The following SPATA17 variants were observed in gnomAD, a reference collection of about 807,000 sequenced individuals.
SPATA17 encodes spermatogenesis-associated protein 17.
A neutral mutation model predicts 62.2 loss-of-function variants in SPATA17; 53 were observed. That is an observed-to-expected ratio of 0.85 (90% confidence interval 0.68 to 1.07). The LOEUF is 1.07. Ranked by LOEUF, SPATA17 falls within the 50% of genes least tolerant of loss-of-function variation. The pLI, the probability that SPATA17 is intolerant of heterozygous loss-of-function variation, is 0.00. For synonymous variants in SPATA17, 146 were observed against 146.8 expected, an observed-to-expected ratio of 0.99 and a Z score of 0.04; for missense variants, 466 against 425.5, an observed-to-expected ratio of 1.10 and a Z score of -0.84.
chr1:217,802,207 A>G (rs986309573), intron 9 of SPATA17, among the ~76,000 whole-genome samples: 1 of 152,100 alleles, frequency 6.6e-6, no homozygotes, highest in Non-Finnish European at 1.5e-5. Context: ...CAATCTATGT[A>G]TGTATGTTTA....
rs2102982913 is a variant in SPATA17 at position 217,792,986 on chromosome 1, G to A, written c.873-8732G>A. 2.0e-5 allele frequency among the ~76,000 whole-genome samples: 3 copies of A among 152,160 alleles called. No homozygotes were observed. The South Asian group carries it at 6.2e-4, about 32-fold the overall frequency. On this transcript the variant is annotated intron_variant, in intron 8 of 10. Coordinates refer to ENST00000366933, the MANE Select transcript of SPATA17 (RefSeq NM_138796.4). ...GATTTGGATATGAGTTTAATTTGGAGGCAGCTCTATTTGAGGTTCCTCTAG... is the reference window on the plus strand; with the variant it reads ...GATTTGGATATGAGTTTAATTTGGAAGCAGCTCTATTTGAGGTTCCTCTAG...
At chr1:217,779,425 CCTT>C (rs1333637787) in intron 7 of SPATA17, among the ~76,000 whole-genome samples, 6 of 148,086 alleles carry the variant, frequency 4.1e-5, no homozygotes, top group South Asian at 2.1e-4. Context: ...TTTTTTCTTT[CCTT>C]CTTCTTCTGT....
intron 8 of SPATA17, among the ~76,000 whole-genome samples, chr1:217,788,088 A>G (rs1673911482): frequency 6.6e-6 from 1 of 152,158 alleles, no homozygotes; most frequent in African/African-American, 2.4e-5. Context: ...CCATCAAGAC[A>G]GCAGAAATGG....
intron 9 of SPATA17, among the ~76,000 whole-genome samples, chr1:217,811,991 GAAGA>G (rs933469281): frequency 1.3e-5 from 2 of 152,120 alleles, no homozygotes; most frequent in African/African-American, 4.8e-5. Flanking sequence ...TCAAAATGTT[GAAGA>G]AAGAAAGGGC....
intron 3 of SPATA17, among the ~76,000 whole-genome samples, chr1:217,658,541 G>A (rs761810348): frequency 2.0e-5 from 3 of 152,060 alleles, no homozygotes; most frequent in Non-Finnish European, 2.9e-5. Context: ...GGCAGATCAC[G>A]AGGTCAGGAG....
At chr1:217,790,615 T>TA (rs1377220943) in intron 8 of SPATA17, among the ~76,000 whole-genome samples, 2 of 151,962 alleles carry the variant, frequency 1.3e-5, no homozygotes, top group African/African-American at 4.8e-5. Flanking sequence ...TAATTTTTTG[T>TA]ATTTTTAGTA....
At chr1:217,648,814 T>C in intron 1 of SPATA17, 68 bp from the exon 2 acceptor site, 1 of 880,944 alleles carries the variant, frequency 1.1e-6, no homozygotes, top group Non-Finnish European at 1.7e-6. Flanking sequence ...AAATCAAGTT[T>C]AACAGGTTGA....
At chr1:217,737,023 C>T (rs776000657) in intron 5 of SPATA17, among the ~76,000 whole-genome samples, 1 of 151,928 alleles carries the variant, frequency 6.6e-6, no homozygotes, top group Non-Finnish European at 1.5e-5. Context: ...ACAAAGCTAC[C>T]TCTTCAGAAA....
chr1:217,832,373 C>T (rs1359154435), intron 9 of SPATA17, among the ~76,000 whole-genome samples: 1 of 152,046 alleles, frequency 6.6e-6, no homozygotes, highest in Non-Finnish European at 1.5e-5. Flanking sequence ...TACCCCAAAA[C>T]ATGACAGATA....
chr1:217,807,062 A>G (rs1373540407), intron 9 of SPATA17, among the ~76,000 whole-genome samples: 4 of 152,208 alleles, frequency 2.6e-5, no homozygotes, highest in Non-Finnish European at 5.9e-5. Flanking sequence ...ATACCATGGA[A>G]TACTATACAG....
chr1:217,666,368 A>G (rs1006079843), intron 3 of SPATA17, among the ~76,000 whole-genome samples: 3 of 152,160 alleles, frequency 2.0e-5, no homozygotes, highest in African/African-American at 2.4e-5. Context: ...TCTATGAGTT[A>G]TATTTTAAGT....
chr1:217,807,898 TC>T (rs1356725078), intron 9 of SPATA17, among the ~76,000 whole-genome samples: 7 of 152,146 alleles, frequency 4.6e-5, no homozygotes, highest in South Asian at 4.1e-4. Context: ...CCTCATACAT[TC>T]TTAGTTGAGA....
Position 217,846,125 on chromosome 1 carries a change from T to C in SPATA17, c.1006-16649T>C, listed in dbSNP as rs920163029. The stretch of plus-strand genomic sequence containing the variant: ...CATATAGTTGGAGACCAGACAAAAC[T>C]AATTGAAATACTTTACCATTAATAT... On this transcript the variant is annotated intron_variant, in intron 9 of 10. Transcript: ENST00000366933. 3.9e-5 allele frequency among the ~76,000 whole-genome samples: 6 copies of C among 152,232 alleles called. No individual in the cohort carries two copies. In the South Asian group the frequency reaches 1.2e-3, roughly 32 times the overall value.
At chr1:217,859,374 TTA>T (rs1203044755) in intron 9 of SPATA17, among the ~76,000 whole-genome samples, 2 of 150,960 alleles carry the variant, frequency 1.3e-5, no homozygotes, top group African/African-American at 4.9e-5. Context: ...GTTTATAATG[TTA>T]TTTTATTATT....
chr1:217,685,569 T>G (rs1671197334), intron 5 of SPATA17, among the ~76,000 whole-genome samples: 1 of 152,202 alleles, frequency 6.6e-6, no homozygotes, highest in Non-Finnish European at 1.5e-5. Context: ...TGTCATCTAT[T>G]GAAATAATTA....
intron 9 of SPATA17, among the ~76,000 whole-genome samples, chr1:217,825,732 G>T (rs1447657392): frequency 6.6e-6 from 1 of 151,938 alleles, no homozygotes; most frequent in Non-Finnish European, 1.5e-5. Flanking sequence ...CTACAGCAGG[G>T]ATATAGTCTA....
Position 217,741,979 on chromosome 1 carries a change from G to A in SPATA17, c.400G>A (p.Ala134Thr), listed in dbSNP as rs375286609. Reference protein sequence around the residue: ...VSETNDAIRKALEEFAEMKER... With the variant: ...VSETNDAIRKTLEEFAEMKER... ...CTGCAGATGGTTTTGATGCAGGAAG[G>A]CACTGGAGGAGTTTGCAGAAATGAA... The change falls in exon 6 of 11, where the codon GCA (alanine) becomes ACA (threonine). Residue 134 changes from alanine to threonine, a missense_variant. Physicochemically the swap from Ala to Thr is moderately conservative, Grantham distance 58 (BLOSUM62 0). Coordinates refer to ENST00000366933, the MANE Select transcript of SPATA17 (RefSeq NM_138796.4). 6.2e-7 allele frequency: 1 copy of A among 1,613,828 alleles called. No homozygotes were observed. The highest frequency in any genetic ancestry group is 1.7e-5 in the Admixed American group (1 of 59,984).
intron 5 of SPATA17, among the ~76,000 whole-genome samples, chr1:217,696,878 G>C (rs1671472687): frequency 6.6e-6 from 1 of 152,134 alleles, no homozygotes; most frequent in African/African-American, 2.4e-5. Context: ...GGCTTAATAT[G>C]AGAGACTCAG....
At chr1:217,809,596 G>C (rs1674534035) in intron 9 of SPATA17, among the ~76,000 whole-genome samples, 1 of 152,044 alleles carries the variant, frequency 6.6e-6, no homozygotes, top group Non-Finnish European at 1.5e-5. Context: ...ACAAACCCTT[G>C]AGGGAATGAA....
Sources: gnomAD v4.1 joint callset for allele counts (sites outside exome capture counted in the v4.1 genomes callset) on GRCh38, gnomAD v4.1.1 for gene constraint, MANE v1.5 for transcripts, NCBI Gene and HGNC (gene_info 2026-07-23, HGNC 2026-07-21) for gene names.